Variants in AKNA observed in about 807,000 individuals in gnomAD.
The protein encoded by AKNA is microtubule organization protein AKNA.
AKNA carries 67 observed loss-of-function variants against 138.8 expected under a neutral mutation model. The observed-to-expected ratio is 0.48, with a 90% confidence interval of 0.40 to 0.59. AKNA has a LOEUF of 0.59. Ranked by LOEUF, AKNA falls within the 20% of genes least tolerant of loss-of-function variation. AKNA has a pLI of 0.00. For synonymous variants in AKNA, 737 were observed against 754.4 expected (o/e 0.98, Z 0.38); for missense variants, 1,813 against 1,880.4 (o/e 0.96, Z 0.66).
intron 11 of AKNA, 118 bp from the exon 12 acceptor site, chr9:114,358,285 C>T: frequency 7.1e-7 from 1 of 1,413,892 alleles, no homozygotes; most frequent in Non-Finnish European, 9.5e-7. Context: ...ACATCCCTGG[C>T]TGCCCAGCCT....
chr9:114,340,128 A>G (rs1463692756), intron 21 of AKNA, among the ~76,000 whole-genome samples: 1 of 152,186 alleles, frequency 6.6e-6, no homozygotes, highest in Non-Finnish European at 1.5e-5. Flanking sequence ...AAAATTTTTA[A>G]AAGCACATTT....
At chr9:114,337,371 G>C in intron 21 of AKNA, 65 bp from the exon 22 acceptor site, 1 of 1,360,654 alleles carries the variant, frequency 7.3e-7, no homozygotes. Context: ...GAGGAGCACC[G>C]TGTGTGGGGT....
At chr9:114,369,921 T>C (rs1564645429) in intron 4 of AKNA, among the ~76,000 whole-genome samples, 1 of 152,172 alleles carries the variant, frequency 6.6e-6, no homozygotes, top group Non-Finnish European at 1.5e-5. Flanking sequence ...ATCACCATTA[T>C]CACCATCACC....
At chr9:114,348,212 T>G (rs1285963556) in intron 15 of AKNA, among the ~76,000 whole-genome samples, 2 of 152,172 alleles carry the variant, frequency 1.3e-5, no homozygotes, top group Non-Finnish European at 2.9e-5. Context: ...GAGACAAGGA[T>G]GCAGCATAGA....
rs555071319 is a variant in AKNA at position 114,366,627 on chromosome 9, T to C, written c.1728+916A>G. The stretch of plus-strand genomic sequence containing the variant: ...AAACACTTTAAATGAGTCAACCGCA[T>C]GGTATGTGAATTATATTTCAGTAAA... On this transcript the variant is annotated intron_variant, in intron 6 of 21. Coordinates refer to ENST00000374088, the MANE Select transcript of AKNA (RefSeq NM_001317950.2). 8.1e-5 allele frequency among the ~76,000 whole-genome samples: 12 copies of C among 148,144 alleles called. No homozygotes were observed. In the South Asian group the frequency reaches 1.9e-3, roughly 23 times the overall value.
intron 2 of AKNA, among the ~76,000 whole-genome samples, 175 bp downstream of exon 2, chr9:114,380,885 A>G (rs1223119625): frequency 1.3e-5 from 2 of 149,812 alleles, no homozygotes; most frequent in Non-Finnish European, 3.0e-5. Context: ...CGGGACGCTG[A>G]GGCAAGAGAA....
rs777040262 is a variant in AKNA at position 114,346,772 on chromosome 9, C to T, written c.3411G>A (p.Glu1137=). Residue 1137 remains glutamate, a synonymous_variant, in exon 17 of 22, where the codon GAG becomes GAA. Coordinates refer to ENST00000374088, the MANE Select transcript of AKNA (RefSeq NM_001317950.2). Reference sequence around the variant, plus strand: ...CACCTCTAGGCTCACCAGGCAATCTCTCTGTGGATTTACTAGCAAAAGGAA... The same window carrying T: ...CACCTCTAGGCTCACCAGGCAATCTTTCTGTGGATTTACTAGCAAAAGGAA... ...WGSHYGSKST[E]RLPGEPRGEE... The T allele has an allele frequency of 3.1e-6, 5 of 1,611,990 alleles. No homozygotes were observed. In the Admixed American group the frequency reaches 8.4e-5, roughly 27 times the overall value.
chr9:114,332,809 C>T (rs1829880469), downstream of AKNA, among the ~76,000 whole-genome samples: 1 of 152,212 alleles, frequency 6.6e-6, no homozygotes, highest in African/African-American at 2.4e-5. Flanking sequence ...CATAAGGGCC[C>T]TGCAGGTACT....
chr9:114,341,573 T>G lies in AKNA; in HGVS notation c.4027A>C (p.Ile1343Leu). The G allele has an allele frequency of 6.2e-7, 1 of 1,613,764 alleles. No individual in the cohort carries two copies. The highest frequency in any genetic ancestry group is 8.5e-7 in the Non-Finnish European group (1 of 1,179,888). Residue 1343 changes from isoleucine (I) to leucine (L), a missense_variant, in exon 21 of 22, where the codon ATC becomes CTC. Physicochemically the swap from Ile to Leu is conservative, Grantham distance 5. Coordinates refer to ENST00000374088, the MANE Select transcript of AKNA (RefSeq NM_001317950.2). ...TAAGGCATGATGGGAACCGAGGAGATGTAGGCAAAGGCTGGAGGGGCTGGT... is the reference window on the plus strand; with the variant it reads ...TAAGGCATGATGGGAACCGAGGAGAGGTAGGCAAAGGCTGGAGGGGCTGGT... Reference protein sequence around the residue: ...PAPAPPAFAYISSVPIMPYPP... With the variant: ...PAPAPPAFAYLSSVPIMPYPP...
downstream of AKNA, among the ~76,000 whole-genome samples, chr9:114,332,874 C>A (rs1302865906): frequency 6.6e-6 from 1 of 152,128 alleles, no homozygotes; most frequent in Non-Finnish European, 1.5e-5. Context: ...ATTGTAGAGG[C>A]AAGTAAGCTG....
intron 21 of AKNA, among the ~76,000 whole-genome samples, chr9:114,340,187 T>C (rs1044590181): frequency 1.3e-5 from 2 of 152,126 alleles, no homozygotes; most frequent in Non-Finnish European, 2.9e-5. Context: ...GCGCCTTGGG[T>C]CCCTGCTCCA....
Position 114,346,023 on chromosome 9 carries a change from A to C in AKNA, c.3515-14T>G. 6.3e-7 allele frequency: 1 copy of C among 1,580,758 alleles called. No homozygotes were observed. The highest frequency in any genetic ancestry group is 8.7e-7 in the Non-Finnish European group (1 of 1,150,870). ...CAGATTCTGAACCTGGGGTAGAAAAAGTGGGGCATCAGAGGGGGCAAGGGG... is the reference window on the plus strand; with the variant it reads ...CAGATTCTGAACCTGGGGTAGAAAACGTGGGGCATCAGAGGGGGCAAGGGG... On this transcript the variant is annotated splice_polypyrimidine_tract_variant and intron_variant, in intron 17 of 21. Coordinates refer to ENST00000374088, the MANE Select transcript of AKNA (RefSeq NM_001317950.2).
At chr9:114,340,559 G>A (rs1019744124) in intron 21 of AKNA, among the ~76,000 whole-genome samples, 1 of 152,328 alleles carries the variant, frequency 6.6e-6, no homozygotes, top group Non-Finnish European at 1.5e-5. Flanking sequence ...TTCCTGCCAC[G>A]TGCCACACTT....
Position 114,350,863 on chromosome 9 carries a change from G to A in AKNA, c.3217C>T (p.Arg1073Ter), listed in dbSNP as rs746973445. The change falls in exon 15 of 22, where the codon CGA becomes TGA. Residue 1073 changes from arginine to a stop codon, truncating the protein, a stop_gained. Transcript: ENST00000374088. LOFTEE classifies it high-confidence loss of function. ...IPSFLLTRAG[R>*]DQAICELQEE... ...GGATCCAAGTGTCTAACTTACTCTC[G>A]CCCTGCCCTGGTGAGCAGGAAGCTG... 5 of 1,561,870 alleles carry A rather than the reference G, an allele frequency of 3.2e-6. No individual in the cohort carries two copies. Among genetic ancestry groups the A allele is most frequent in the South Asian group, 1.2e-5 (1 of 83,010 alleles).
At chr9:114,367,486 T>C (rs1351712118) in intron 6 of AKNA, 57 bp downstream of exon 6, 9 of 1,590,782 alleles carry the variant, frequency 5.7e-6, no homozygotes, top group Non-Finnish European at 7.7e-6. Flanking sequence ...CAGGCAGAGG[T>C]TCTGTGTTCT....
chr9:114,389,759 T>G (rs545024954), upstream of AKNA, among the ~76,000 whole-genome samples: 1 of 152,334 alleles, frequency 6.6e-6, no homozygotes, highest in African/African-American at 2.4e-5. Context: ...TGTTTATGGC[T>G]GATGAATGTG....
rs112407503 is a variant in AKNA, at chr9:114,380,927, G to T, written c.274+133C>A. ...GAACCCAGGAGGCAGAGGCTGTAGT[G>T]AGCCGAGATCGTGCCACTGCACTCC... On this transcript the variant is annotated intron_variant, in intron 2 of 21. Transcript: ENST00000374088. The T allele has an allele frequency of 9.3e-6, 10 of 1,072,818 alleles. No individual in the cohort carries two copies. The African/African-American group carries it at 1.1e-4, about 11-fold the overall frequency. 66.5% of individuals were successfully genotyped at this position (1,072,818 alleles called of 1,614,324 possible).
At position 114,350,972 on chromosome 9, in the gene AKNA, G is replaced by C. The variant is rs200232041; in HGVS notation, c.3108C>G (p.Pro1036=). 8.1e-6 allele frequency: 13 copies of C among 1,613,488 alleles called. No individual in the cohort carries two copies. The Admixed American group carries it at 1.2e-4, about 14-fold the overall frequency. Residue 1036 remains proline (P), a synonymous_variant, in exon 15 of 22, where the codon CCC becomes CCG. Coordinates refer to ENST00000374088, the MANE Select transcript of AKNA (RefSeq NM_001317950.2). ...GTGGGCTGATTGTCTTGTTGGGAAG[G>C]GGCTGTTCAGAAATCCGTTTGTGCC... ...FEGHKRISEQ[P]LPNKTISPPP... is the part of the protein sequence containing the mutation.
chr9:114,391,987 C>A (rs1305182073), upstream of AKNA, among the ~76,000 whole-genome samples: 1 of 151,318 alleles, frequency 6.6e-6, no homozygotes, highest in African/African-American at 2.4e-5. Context: ...CAGAACCCTG[C>A]CAGCCCTTCC....
Sources: gnomAD v4.1 joint callset for allele counts (sites outside exome capture counted in the v4.1 genomes callset) on GRCh38, gnomAD v4.1.1 for gene constraint, MANE v1.5 for transcripts, NCBI Gene and HGNC (gene_info 2026-07-23, HGNC 2026-07-21) for gene names.